Variants in PHB1 observed in about 807,000 individuals in gnomAD.
The protein encoded by PHB1 is epididymis luminal protein 215.
the PHB1 span, among the ~76,000 whole-genome samples, chr17:49,405,759 A>C: frequency 6.7e-6 from 1 of 148,270 alleles, no homozygotes; most frequent in South Asian, 2.1e-4. Flanking sequence ...TGGGCCACAG[A>C]GCTGTCACAA....
chr17:49,406,863 A>T, the PHB1 span: 1 of 1,599,638 alleles, frequency 6.3e-7, no homozygotes, highest in Non-Finnish European at 8.6e-7. Flanking sequence ...GTCTAAGGGG[A>T]GAGAGTGAGC....
At chr17:49,407,017 TGAG>T in the PHB1 span, 1 of 640,264 alleles carries the variant, frequency 1.6e-6, no homozygotes, top group Non-Finnish European at 2.8e-6. Context: ...GTATCCAAAC[TGAG>T]TTTACACCCA....
chr17:49,409,279 C>T, the PHB1 span: 5 of 1,611,356 alleles, frequency 3.1e-6, no homozygotes, highest in East Asian at 1.1e-4. Context: ...CCACCTGGCA[C>T]CCTCCCAGGG....
chr17:49,406,621 C>T, the PHB1 span: 126 of 693,118 alleles, frequency 1.8e-4, no homozygotes, highest in Non-Finnish European at 3.3e-4. Context: ...TGCAGAAGTA[C>T]AATTCCTTCA....
chr17:49,409,051 G>A, the PHB1 span: 12 of 1,596,928 alleles, frequency 7.5e-6, no homozygotes, highest in Admixed American at 3.5e-5. Context: ...CCAAGGACAC[G>A]TCATCCAGGA....
the PHB1 span, chr17:49,404,930 G>C: frequency 9.1e-7 from 1 of 1,098,448 alleles, no homozygotes; most frequent in African/African-American, 1.5e-5. Flanking sequence ...AAGGAAGGCT[G>C]TGTTAAGAAT....
the PHB1 span, chr17:49,404,968 C>T: frequency 4.2e-4 from 638 of 1,507,634 alleles, no homozygotes; most frequent in Non-Finnish European, 5.5e-4. Context: ...AGTCAGCCCG[C>T]GGAGGTGCAG....
the PHB1 span, chr17:49,412,194 T>C: frequency 2.1e-4 from 44 of 208,956 alleles, no homozygotes; most frequent in Non-Finnish European, 4.0e-4. Flanking sequence ...TCTTCCCAGT[T>C]ACCACATATC....
the PHB1 span, among the ~76,000 whole-genome samples, chr17:49,411,198 G>A: frequency 2.2e-5 from 3 of 139,486 alleles, no homozygotes; most frequent in African/African-American, 8.3e-5. Context: ...TTAGAAGCAG[G>A]CTTTTTTTTT....
chr17:49,408,057 C>G, the PHB1 span, among the ~76,000 whole-genome samples: 1 of 152,310 alleles, frequency 6.6e-6, no homozygotes, highest in South Asian at 2.1e-4. Context: ...TAGTAAAATG[C>G]CAACTTTTCC....
At chr17:49,413,172 C>T in the PHB1 span, 1 of 1,607,832 alleles carries the variant, frequency 6.2e-7, no homozygotes, top group Non-Finnish European at 8.5e-7. Flanking sequence ...CCCTCCATGC[C>T]TCACCATTAT....
chr17:49,405,125 G>A, the PHB1 span: 2 of 1,613,804 alleles, frequency 1.2e-6, no homozygotes, highest in African/African-American at 2.7e-5. Flanking sequence ...CCCTGCAGTG[G>A]CCAGTGAGTT....
the PHB1 span, among the ~76,000 whole-genome samples, chr17:49,405,426 A>G: frequency 1.3e-5 from 2 of 152,212 alleles, no homozygotes; most frequent in African/African-American, 4.8e-5. Context: ...CGGGAGGGAT[A>G]CATCTCTGTT....
the PHB1 span, chr17:49,409,414 G>A: frequency 9.9e-6 from 16 of 1,613,756 alleles, no homozygotes; most frequent in Non-Finnish European, 1.4e-5. Context: ...AAGATGCGAG[G>A]AAGCTGGCTG....
the PHB1 span, chr17:49,409,541 T>G: frequency 3.8e-6 from 4 of 1,057,140 alleles, no homozygotes; most frequent in African/African-American, 3.3e-5. Flanking sequence ...TGTTTTTTTT[T>G]TGTTTTTTTT....
chr17:49,407,157 C>T, the PHB1 span: 12 of 332,940 alleles, frequency 3.6e-5, no homozygotes, highest in Admixed American at 7.8e-5. Flanking sequence ...TCTACTCAAT[C>T]GACCACCTCC....
the PHB1 span, chr17:49,407,451 G>T: frequency 6.5e-6 from 1 of 153,910 alleles, no homozygotes; most frequent in Non-Finnish European, 1.4e-5. Context: ...TCTGTTAAAC[G>T]GTTTAAAAGA....
the PHB1 span, among the ~76,000 whole-genome samples, chr17:49,411,368 T>C: frequency 6.6e-6 from 1 of 151,902 alleles, no homozygotes; most frequent in East Asian, 1.9e-4. Flanking sequence ...CGGCTAATTT[T>C]TGTATTTTTA....
At chr17:49,405,037 G>A in the PHB1 span, 1 of 1,572,548 alleles carries the variant, frequency 6.4e-7, no homozygotes, top group Non-Finnish European at 8.6e-7. Context: ...CTGGCAGGTA[G>A]GTGATGTTCC....
Sources: gnomAD v4.1 joint callset for allele counts (sites outside exome capture counted in the v4.1 genomes callset) on GRCh38, gnomAD v4.1.1 for gene constraint, MANE v1.5 for transcripts, NCBI Gene and HGNC (gene_info 2026-07-23, HGNC 2026-07-21) for gene names.